The following HAPLN2 variants were observed in gnomAD, a reference collection of about 807,000 sequenced individuals.
The protein encoded by HAPLN2 is brain link protein-1.
Under a neutral mutation model 29.3 loss-of-function variants are expected in HAPLN2, and 27 were observed. That is an observed-to-expected ratio of 0.92 (90% CI 0.68 to 1.27). The LOEUF (loss-of-function observed/expected upper bound fraction) is 1.27. Ranked by LOEUF, HAPLN2 falls within the 50% of genes most tolerant of loss-of-function variation. The pLI, the probability that HAPLN2 is intolerant of heterozygous loss-of-function variation, is 0.00. For synonymous variants in HAPLN2, 208 were observed against 211.7 expected, an observed-to-expected ratio of 0.98 and a Z score of 0.15; for missense variants, 454 against 484.3, an observed-to-expected ratio of 0.94 and a Z score of 0.59.
chr1:156,605,210 G>A, the HAPLN2 span, among the ~76,000 whole-genome samples: 5 of 149,532 alleles, frequency 3.3e-5, no homozygotes, highest in African/African-American at 1.2e-4. Flanking sequence ...AGGTTGCAGT[G>A]AGCCGAGATC....
Position 156,625,678 on chromosome 1 carries a change from G to A in HAPLN2, c.*294G>A, listed in dbSNP as rs765855497. 1.0e-5 allele frequency: 4 copies of A among 392,766 alleles called. No homozygotes were observed. Among genetic ancestry groups the A allele is most frequent in the African/African-American group, 8.5e-5 (4 of 47,216 alleles). The allele number at this position is 392,766 out of a possible 1,614,324, so 24.3% of individuals were successfully genotyped here. The stretch of plus-strand genomic sequence containing the variant: ...CGGGGGGAGGGTGAGGCGGCCGGGG[G>A]CATTAACTGACCTCTGAGTACAGCA... On this transcript the variant is annotated 3_prime_UTR_variant, in exon 7 of 7. Transcript: ENST00000255039. The surrounding 1 kb of genome is among the most constrained non-coding windows in gnomAD (Gnocchi z 5.7).
At chr1:156,614,669 A>T (rs1678019952), upstream of HAPLN2, 3 of 152,308 alleles carry the variant, frequency 2.0e-5, no homozygotes, top group Admixed American at 2.0e-4. Context: ...GACTGGCCAG[A>T]ATCAGAAGAC....
the HAPLN2 span, among the ~76,000 whole-genome samples, chr1:156,611,393 T>C: frequency 1.3e-5 from 2 of 150,908 alleles, no homozygotes; most frequent in Non-Finnish European, 1.5e-5. Context: ...GGGGAAACCC[T>C]GTCTCTACTA....
the HAPLN2 span, chr1:156,601,572 A>AT: frequency 9.9e-7 from 1 of 1,010,078 alleles, no homozygotes; most frequent in South Asian, 1.5e-5. Context: ...GCGGAGCCCA[A>AT]TTTGCCGGTA....
At chr1:156,619,154 TC>T (rs1175301343), upstream of HAPLN2, 2 of 152,142 alleles carry the variant, frequency 1.3e-5, no homozygotes, top group Non-Finnish European at 2.9e-5. Flanking sequence ...CTTTTCACCA[TC>T]CGTTCTCTGC....
In HAPLN2 at chr1:156,625,304, C is replaced by A; in HGVS notation, c.943C>A (p.Pro315Thr). ...GCCGAGGCCGCGCTGCGGGGGGCTC[C>A]CGGATCCCGGAGTGCGCAGTTTCGG... Reference protein sequence around the residue: ...TTPRPRCGGLPDPGVRSFGFP... With the variant: ...TTPRPRCGGLTDPGVRSFGFP... The change falls in exon 7 of 7, where the codon CCG becomes ACG. Residue 315 changes from proline (P) to threonine (T), a missense_variant. By Grantham distance (38) the Pro-to-Thr change is conservative (BLOSUM62 -1). Around this residue, in one of 3 missense-constraint regions of HAPLN2, gnomAD observed 235 missense variants for 236.9 expected, o/e 0.99. Transcript: ENST00000255039. This position sits in a 1 kb window ranked among gnomAD's most constrained non-coding sequence, Gnocchi z 5.7. The A allele has an allele frequency of 6.3e-7, 1 of 1,584,044 alleles. No individual in the cohort carries two copies. Among genetic ancestry groups the A allele is most frequent in the Admixed American group, 1.8e-5 (1 of 56,468 alleles).
the HAPLN2 span, among the ~76,000 whole-genome samples, chr1:156,610,542 A>G: frequency 6.6e-6 from 1 of 152,132 alleles, no homozygotes. Flanking sequence ...CGGGAGGCTA[A>G]GGCAGGAGAA....
chr1:156,616,303 G>A (rs927259469), upstream of HAPLN2, among the ~76,000 whole-genome samples: 8 of 152,176 alleles, frequency 5.3e-5, no homozygotes, highest in Non-Finnish European at 8.8e-5. Flanking sequence ...CCATTTTAGC[G>A]TCTGGGGGGA....
At chr1:156,613,208 G>A in the HAPLN2 span, among the ~76,000 whole-genome samples, 1 of 152,006 alleles carries the variant, frequency 6.6e-6, no homozygotes, top group Non-Finnish European at 1.5e-5. Flanking sequence ...AAAATTAGCT[G>A]AGCGTGGTGG....
chr1:156,625,555 C>A lies in HAPLN2; in HGVS notation c.*171C>A. The A allele has an allele frequency of 1.5e-6, 1 of 660,232 alleles. No individual in the cohort carries two copies. The highest frequency in any genetic ancestry group is 2.3e-6 in the Non-Finnish European group (1 of 433,634). 40.9% of individuals were successfully genotyped at this position (660,232 alleles called of 1,614,324 possible). On this transcript the variant is annotated 3_prime_UTR_variant, in exon 7 of 7. Transcript: ENST00000255039. This position sits in a 1 kb window ranked among gnomAD's most constrained non-coding sequence, Gnocchi z 5.7. ...CCTCGGACCCCGGCTGGCCCGGCGG[C>A]GGGGAGGGGAGGCGGGGGCGCCTCC...
At chr1:156,620,758 C>T (rs1571416434) in intron 2 of HAPLN2, among the ~76,000 whole-genome samples, 1 of 152,184 alleles carries the variant, frequency 6.6e-6, no homozygotes, top group Non-Finnish European at 1.5e-5. Context: ...ATCCCATCTT[C>T]CCATGAATCC....
In HAPLN2 at chr1:156,624,699, G is replaced by A. The variant is rs749895561; in HGVS notation, c.655G>A (p.Gly219Ser). The A allele has an allele frequency of 3.1e-6, 5 of 1,593,466 alleles. No homozygotes were observed. The Admixed American group carries it at 5.2e-5, about 16-fold the overall frequency. Residue 219 changes from glycine (G) to serine (S), a missense_variant, in exon 6 of 7, where the codon GGC becomes AGC. This residue lies in a region of HAPLN2 where 235 missense variants were observed against 236.9 expected (regional missense o/e 0.99). Coordinates refer to ENST00000255039, the MANE Select transcript of HAPLN2 (RefSeq NM_021817.3). The part of the protein sequence containing the change: ...LTARAPCGGR[G>S]RPGIRSYGPR... Reference sequence around the variant, plus strand: ...CGCACGCGCCCCGTGCGGCGGCCGAGGCCGGCCCGGGATCCGCAGCTACGG... The same window carrying A: ...CGCACGCGCCCCGTGCGGCGGCCGAAGCCGGCCCGGGATCCGCAGCTACGG...
At chr1:156,614,842 C>G (rs1376137135), upstream of HAPLN2, 1 of 152,214 alleles carries the variant, frequency 6.6e-6, no homozygotes, top group African/African-American at 2.4e-5. Flanking sequence ...CCATTATAAA[C>G]AGAATGACAA....
At chr1:156,618,975 G>A (rs1347676740), upstream of HAPLN2, among the ~76,000 whole-genome samples, 1 of 151,970 alleles carries the variant, frequency 6.6e-6, no homozygotes, top group East Asian at 1.9e-4. Flanking sequence ...AAATTCTCAT[G>A]TTCCTCCCCA....
the HAPLN2 span, among the ~76,000 whole-genome samples, chr1:156,603,475 T>C: frequency 1.3e-3 from 205 of 151,868 alleles, 1 homozygote; most frequent in Middle Eastern, 3.4e-3. Flanking sequence ...GTGTGTGTAT[T>C]ATATACAAAA....
intron 2 of HAPLN2, among the ~76,000 whole-genome samples, chr1:156,621,869 AT>A (rs1557975036): frequency 6.6e-6 from 1 of 150,802 alleles, no homozygotes; most frequent in Non-Finnish European, 1.5e-5. Context: ...TGATTAAAAA[AT>A]TTTTTTTACC....
chr1:156,609,917 G>A, the HAPLN2 span, among the ~76,000 whole-genome samples: 1 of 151,964 alleles, frequency 6.6e-6, no homozygotes, highest in African/African-American at 2.4e-5. Flanking sequence ...TAAAATAAAA[G>A]TTAAAAAACA....
chr1:156,624,465 A>G lies in HAPLN2; in HGVS notation c.554A>G (p.Gln185Arg), dbSNP rs1678373606. The stretch of plus-strand genomic sequence containing the variant: ...CTGGCCACCTACTCCCAGCTCTACC[A>G]GGGTGAGCGGCCGAACCCAGCACTT... Reference protein sequence around the residue: ...GRLATYSQLYQAWTEGLDWCN... With the variant: ...GRLATYSQLYRAWTEGLDWCN... Residue 185 changes from glutamine to arginine, a missense_variant and splice_region_variant, in exon 5 of 7, where the codon CAG becomes CGG. Coordinates refer to ENST00000255039, the MANE Select transcript of HAPLN2 (RefSeq NM_021817.3). 6.2e-7 allele frequency: 1 copy of G among 1,612,368 alleles called. No individual in the cohort carries two copies. Among genetic ancestry groups the G allele is most frequent in the Non-Finnish European group, 8.5e-7 (1 of 1,179,242 alleles).
upstream of HAPLN2, among the ~76,000 whole-genome samples, chr1:156,614,345 C>G (rs943809114): frequency 1.3e-5 from 2 of 152,088 alleles, no homozygotes; most frequent in African/African-American, 4.8e-5. Context: ...CTGCCTCAGC[C>G]TCCCGAGTAG....
Sources: allele counts gnomAD v4.1 joint callset (sites outside exome capture counted in the v4.1 genomes callset), GRCh38; gene constraint gnomAD v4.1.1; regional missense constraint gnomAD v4.1.1; non-coding constraint Gnocchi (gnomAD v3.1); transcripts MANE v1.5; gene names NCBI Gene and HGNC (gene_info 2026-07-23, HGNC 2026-07-21).